ANKS1B: variants seen among roughly 807,000 people sequenced by gnomAD.
The protein encoded by ANKS1B is ankyrin repeat and sterile alpha motif domain containing 1B.
Under a neutral mutation model 148.3 loss-of-function variants are expected in ANKS1B, and 36 were observed. That is an observed-to-expected ratio of 0.24 (90% CI 0.19 to 0.32). ANKS1B has a LOEUF of 0.32. Among genes scored for constraint, ANKS1B ranks in the 10% least tolerant of loss-of-function variants. The pLI is 1.00. For missense variants in ANKS1B, 1,157 were observed against 1,542.6 expected (o/e 0.75, Z 4.19); for synonymous variants, 542 against 560.8 (o/e 0.97, Z 0.47).
chr12:99,509,484 G>A (rs1040779556), intron 9 of ANKS1B, among the ~76,000 whole-genome samples: 2 of 151,830 alleles, frequency 1.3e-5, no homozygotes, highest in Non-Finnish European at 2.9e-5. Flanking sequence ...TCAGTGGTCT[G>A]GATAGAAGAT....
intron 17 of ANKS1B, among the ~76,000 whole-genome samples, chr12:98,958,182 C>G (rs2099865583): frequency 6.6e-6 from 1 of 152,202 alleles, no homozygotes. Flanking sequence ...ACCTCTCCCT[C>G]ACCACTTTCT....
At chr12:99,699,718 T>A (rs1567670457) in intron 8 of ANKS1B, among the ~76,000 whole-genome samples, 1 of 152,178 alleles carries the variant, frequency 6.6e-6, no homozygotes, top group East Asian at 1.9e-4. Flanking sequence ...TATTCATCAA[T>A]GCAAGTAACT....
chr12:99,579,836 A>G (rs563137137), intron 9 of ANKS1B, among the ~76,000 whole-genome samples: 1 of 152,278 alleles, frequency 6.6e-6, no homozygotes, highest in African/African-American at 2.4e-5. Context: ...CAATCCAGCA[A>G]TCCTATTACT....
intron 19 of ANKS1B, among the ~76,000 whole-genome samples, chr12:98,815,501 T>C (rs1447615428): frequency 6.6e-6 from 1 of 152,208 alleles, no homozygotes; most frequent in Non-Finnish European, 1.5e-5. Flanking sequence ...CAAATTCATA[T>C]TTCCAGCCCA....
rs564276933 is a variant in ANKS1B, at chr12:99,755,514, A to C, written c.1128+17408T>G. ...ATTCTATGAGGCCAACATCATCCTG[A>C]TACCAAAACCTGGCAAAGATACCAC... On this transcript the variant is annotated intron_variant, in intron 8 of 26. Transcript: ENST00000683438. Among the ~76,000 whole-genome samples the C allele has an allele frequency of 5.7e-4, 86 of 151,698 alleles. 1 individual carries two copies. Among genetic ancestry groups the C allele is most frequent in the Non-Finnish European group, 2.1e-4 (14 of 67,956 alleles).
chr12:99,916,180 A>G (rs1426080415), intron 1 of ANKS1B, among the ~76,000 whole-genome samples: 1 of 152,238 alleles, frequency 6.6e-6, no homozygotes, highest in Admixed American at 6.5e-5. Flanking sequence ...CCCAGAGCCC[A>G]TCAAGGGGAG....
intron 17 of ANKS1B, among the ~76,000 whole-genome samples, chr12:98,845,566 G>C (rs1275208128): frequency 6.6e-6 from 1 of 152,072 alleles, no homozygotes; most frequent in Non-Finnish European, 1.5e-5. Context: ...AATATACCTA[G>C]TGCAGAAATG....
intron 4 of ANKS1B, among the ~76,000 whole-genome samples, chr12:99,787,922 G>C (rs2153639815): frequency 6.6e-6 from 1 of 152,294 alleles, no homozygotes; most frequent in South Asian, 2.1e-4. Flanking sequence ...ACACATTGAG[G>C]GGACATTTGC....
intron 9 of ANKS1B, among the ~76,000 whole-genome samples, chr12:99,616,129 G>A (rs568084272): frequency 6.2e-4 from 95 of 152,190 alleles, no homozygotes; most frequent in African/African-American, 2.2e-3. Context: ...CACTGCTAAA[G>A]GAAATCAGAG....
At chr12:99,067,890 GTGTGTGTA>G (rs908339088) in intron 16 of ANKS1B, among the ~76,000 whole-genome samples, 3 of 151,596 alleles carry the variant, frequency 2.0e-5, no homozygotes, top group Admixed American at 1.3e-4. Context: ...GTGTGTGTGT[GTGTGTGTA>G]TGTGTGTGTA....
intron 17 of ANKS1B, among the ~76,000 whole-genome samples, chr12:99,052,734 C>CAAAAAAAAAAAAAAA (rs56965572): frequency 1.9e-4 from 5 of 26,016 alleles, no homozygotes; most frequent in African/African-American, 7.6e-4. Context: ...GACTCCGTCT[C>CAAAAAAAAAAAAAAA]AAAAAAAAAA....
chr12:98,989,996 C>T (rs1008555973), intron 17 of ANKS1B, among the ~76,000 whole-genome samples: 1 of 147,380 alleles, frequency 6.8e-6, no homozygotes, highest in African/African-American at 2.5e-5. Context: ...AGGAAGGAGA[C>T]AGAGAAAGGA....
chr12:99,980,985 G>A (rs971862576), intron 1 of ANKS1B, among the ~76,000 whole-genome samples: 7 of 151,972 alleles, frequency 4.6e-5, no homozygotes, highest in African/African-American at 1.2e-4. Flanking sequence ...GAAAATTTCC[G>A]CACTAGGTGA....
intron 1 of ANKS1B, among the ~76,000 whole-genome samples, chr12:99,884,876 T>C (rs80003643): frequency 0.11 from 16,211 of 152,002 alleles, 926 homozygotes; most frequent in South Asian, 0.15. Context: ...CCAAAAACAG[T>C]AAATTTTATT....
At chr12:99,704,998 A>G (rs2055499681) in intron 8 of ANKS1B, among the ~76,000 whole-genome samples, 3 of 152,134 alleles carry the variant, frequency 2.0e-5, no homozygotes, top group Admixed American at 6.6e-5. Context: ...ACAAATGACT[A>G]AGCAGACTTG....
At chr12:99,966,823 A>C (rs2095490259) in intron 1 of ANKS1B, among the ~76,000 whole-genome samples, 1 of 152,218 alleles carries the variant, frequency 6.6e-6, no homozygotes, top group Non-Finnish European at 1.5e-5. Flanking sequence ...AGCACAGCAC[A>C]TACAACTTCC....
chr12:98,875,056 G>A (rs557566197), intron 17 of ANKS1B, among the ~76,000 whole-genome samples: 4 of 152,238 alleles, frequency 2.6e-5, no homozygotes, highest in South Asian at 4.1e-4. Flanking sequence ...AGCATCCATC[G>A]AAATACTGTA....
intron 19 of ANKS1B, among the ~76,000 whole-genome samples, chr12:98,823,947 G>C (rs1400913054): frequency 6.6e-6 from 1 of 152,206 alleles, no homozygotes; most frequent in Non-Finnish European, 1.5e-5. Context: ...AGAAGTTACT[G>C]TCCTACTTCT....
chr12:98,761,144 C>A (rs1466258172), intron 25 of ANKS1B, among the ~76,000 whole-genome samples: 2 of 152,208 alleles, frequency 1.3e-5, no homozygotes, highest in East Asian at 1.9e-4. Context: ...AAGTGCAGAT[C>A]TGACTTCAGA....
Sources: allele counts gnomAD v4.1 joint callset (sites outside exome capture counted in the v4.1 genomes callset), GRCh38; gene constraint gnomAD v4.1.1; transcripts MANE v1.5; gene names NCBI Gene and HGNC (gene_info 2026-07-23, HGNC 2026-07-21).